CHP2: variants seen among roughly 807,000 people sequenced by gnomAD.
CHP2 encodes the protein calcineurin B homologous protein 2.
A neutral mutation model predicts 24.7 loss-of-function variants in CHP2; 31 were observed. That is an observed-to-expected ratio of 1.26 (90% confidence interval 0.94 to 1.69). The LOEUF is 1.69. CHP2 is among the 40% of genes most tolerant of loss of function. CHP2 has a pLI of 0.00. For synonymous variants in CHP2, 97 were observed against 99.1 expected (o/e 0.98, Z 0.13); for missense variants, 319 against 261.5 (o/e 1.22, Z -1.52).
At position 23,758,102 on chromosome 16, in the gene CHP2, G is replaced by A. The variant is rs1016582570; in HGVS notation, c.*519G>A. On this transcript the variant is annotated 3_prime_UTR_variant, in exon 7 of 7. Coordinates refer to ENST00000300113, the MANE Select transcript of CHP2 (RefSeq NM_022097.4). ...TCTAATGCCACTGCTGATCTGACAG[G>A]AGGCAGAGCTCAGGCGGTAATGCAA... The A allele has an allele frequency of 5.7e-6, 1 of 176,098 alleles. No homozygotes were observed. The highest frequency in any genetic ancestry group is 2.4e-5 in the African/African-American group (1 of 41,900). The allele number at this position is 176,098 out of a possible 1,614,324, so 10.9% of individuals were successfully genotyped here.
At chr16:23,756,522 G>A (rs1961228425) in intron 5 of CHP2, 73 bp downstream of exon 5, 2 of 1,326,022 alleles carry the variant, frequency 1.5e-6, no homozygotes, top group East Asian at 4.7e-5. Flanking sequence ...TGTGAGAGAT[G>A]GGGTGGGATG....
At chr16:23,756,675 T>A (rs1474795775) in intron 5 of CHP2, among the ~76,000 whole-genome samples, 1 of 151,932 alleles carries the variant, frequency 6.6e-6, no homozygotes, top group Non-Finnish European at 1.5e-5. Context: ...CAACTGGGGG[T>A]GATTTTGCTC....
rs367980447 is a variant in CHP2 at position 23,755,750 on chromosome 16, C to T, written c.140+17C>T. 45 of 1,613,844 alleles carry T rather than the reference C, an allele frequency of 2.8e-5. No individual in the cohort carries two copies. The highest frequency in any genetic ancestry group is 3.7e-5 in the Non-Finnish European group (44 of 1,179,820). On this transcript the variant is annotated intron_variant, in intron 2 of 6. Coordinates refer to ENST00000300113, the MANE Select transcript of CHP2 (RefSeq NM_022097.4). ...CTACCTGAGGTGAGGGGGAGCCGGC[C>T]TCATAACTTCTGGCCTCTGTCTCTC...
intron 2 of CHP2, 48 bp downstream of exon 2, chr16:23,755,781 C>T: frequency 6.2e-7 from 1 of 1,613,042 alleles, no homozygotes; most frequent in Admixed American, 1.7e-5. Flanking sequence ...CTCTCTGACT[C>T]CATGTCCCTC....
At chr16:23,756,320 G>T in intron 4 of CHP2, 68 bp from the exon 5 acceptor site, 1 of 1,588,372 alleles carries the variant, frequency 6.3e-7, no homozygotes. Flanking sequence ...GTGGGGGGAA[G>T]GAAGGTGGCT....
rs1961224221 is a variant in CHP2 at position 23,756,275 on chromosome 16, C to T, written c.352+82C>T. The stretch of plus-strand genomic sequence containing the variant: ...GGCTCCAGGGATCTCCCACTCCCTT[C>T]CTGAGGGCATTGACAACCTCCCCCC... On this transcript the variant is annotated intron_variant, in intron 4 of 6. Transcript: ENST00000300113. 2.5e-6 allele frequency: 4 copies of T among 1,590,468 alleles called. No homozygotes were observed. In the South Asian group the frequency reaches 3.3e-5, roughly 13 times the overall value.
Position 23,757,219 on chromosome 16 carries a change from G to A in CHP2, c.433G>A (p.Gly145Arg). 6.2e-7 allele frequency: 1 copy of A among 1,614,056 alleles called. No homozygotes were observed. The highest frequency in any genetic ancestry group is 1.3e-5 in the African/African-American group (1 of 75,004). ...CTCTCAGGTTCTCCGTCTGATGGTT[G>A]GGGTACAGGTGACAGAAGAGCAGCT... is the stretch of plus-strand genomic sequence containing the variant. ...EMLQVLRLMVGVQVTEEQLEN... is the reference protein window; with the variant it reads ...EMLQVLRLMVRVQVTEEQLEN... Residue 145 changes from glycine (G) to arginine (R), a missense_variant, in exon 6 of 7, where the codon GGG becomes AGG. Gly to Arg is a moderately radical substitution (Grantham distance 125, BLOSUM62 -2). Coordinates refer to ENST00000300113, the MANE Select transcript of CHP2 (RefSeq NM_022097.4).
chr16:23,756,672 G>T (rs1368069973), intron 5 of CHP2, among the ~76,000 whole-genome samples: 1 of 152,126 alleles, frequency 6.6e-6, no homozygotes, highest in Non-Finnish European at 1.5e-5. Flanking sequence ...TCTCAACTGG[G>T]GGTGATTTTG....
chr16:23,756,410 G>C lies in CHP2; in HGVS notation c.375G>C (p.Leu125=), dbSNP rs1461461593. ...CAGATGCATTTCAGCTCTATGACCT[G>C]GATCGCGATGGGAAGATCTCCAGGC... ...KLHYAFQLYD[L]DRDGKISRHE... Residue 125 remains leucine, a synonymous_variant, in exon 5 of 7, where the codon CTG becomes CTC. Transcript: ENST00000300113. 1 of 1,613,990 alleles carries C rather than the reference G, an allele frequency of 6.2e-7. No homozygotes were observed. Among genetic ancestry groups the C allele is most frequent in the Admixed American group, 1.7e-5 (1 of 60,000 alleles).
rs1178594375 is a variant in CHP2, at chr16:23,757,326, C to G, written c.537+3C>G. 35 of 1,608,742 alleles carry G rather than the reference C, an allele frequency of 2.2e-5. No individual in the cohort carries two copies. The East Asian group carries it at 7.8e-4, about 36-fold the overall frequency. ...TGTCCTTCGTGGAGTTCACCAAGGT[C>G]AGAGTGCCCTTGGGGATTGGGGAGT... On this transcript the variant is annotated splice_donor_region_variant and intron_variant, in intron 6 of 6. Transcript: ENST00000300113.
At position 23,755,108 on chromosome 16, in the gene CHP2, A is replaced by G; in HGVS notation, c.59A>G (p.Glu20Gly). The change falls in exon 1 of 7, where the codon GAG becomes GGG. Residue 20 changes from glutamate to glycine, a missense_variant. Coordinates refer to ENST00000300113, the MANE Select transcript of CHP2 (RefSeq NM_022097.4). ...VIPDGDSIRR[E>G]TGFSQASLLR... ...CCCGACGGGGACAGTATTCGGCGAG[A>G]GACCGGCTGTGAGTGCGCCCGCGTC... 6.2e-7 allele frequency: 1 copy of G among 1,600,712 alleles called. No homozygotes were observed. Among genetic ancestry groups the G allele is most frequent in the African/African-American group, 1.4e-5 (1 of 73,846 alleles).
Position 23,757,194 on chromosome 16 carries a change from C to T in CHP2, c.415-7C>T. 1 of 1,614,048 alleles carries T rather than the reference C, an allele frequency of 6.2e-7. No homozygotes were observed. The highest frequency in any genetic ancestry group is 8.5e-7 in the Non-Finnish European group (1 of 1,179,998). ...TCCTTATGGCTGCCTCTTCACTCATCTCTCAGGTTCTCCGTCTGATGGTTG... is the reference window on the plus strand; with the variant it reads ...TCCTTATGGCTGCCTCTTCACTCATTTCTCAGGTTCTCCGTCTGATGGTTG... On this transcript the variant is annotated splice_region_variant and splice_polypyrimidine_tract_variant and intron_variant, in intron 5 of 6. Transcript: ENST00000300113.
In CHP2 at chr16:23,755,841, T is replaced by C; in HGVS notation, c.141-6T>C. ...GCCTTACCCTCTTTGAAATTTGGCT[T>C]TGCAGCCGCATGGATCTCCAGCAGA... On this transcript the variant is annotated splice_region_variant and splice_polypyrimidine_tract_variant and intron_variant, in intron 2 of 6. Coordinates refer to ENST00000300113, the MANE Select transcript of CHP2 (RefSeq NM_022097.4). 3.7e-6 allele frequency: 6 copies of C among 1,614,196 alleles called. No individual in the cohort carries two copies. The highest frequency in any genetic ancestry group is 5.1e-6 in the Non-Finnish European group (6 of 1,180,028).
At chr16:23,757,125 T>C (rs777613392) in intron 5 of CHP2, 76 bp from the exon 6 acceptor site, 148 of 1,554,354 alleles carry the variant, frequency 9.5e-5, no homozygotes, top group Non-Finnish European at 1.2e-4. Context: ...TGGGATGAGG[T>C]GGGCAAGGTT....
At chr16:23,755,445 C>T (rs1961207949) in intron 1 of CHP2, 1 of 602,788 alleles carries the variant, frequency 1.7e-6, no homozygotes, top group Non-Finnish European at 2.9e-6. Context: ...CTTTGGTTTT[C>T]GGGAGGTTGC....
rs143402019 is a variant in CHP2 at position 23,755,906 on chromosome 16, T to C, written c.200T>C (p.Ile67Thr). ...LAVNPLGDRI[I>T]ESFFPDGSQR... Reference sequence around the variant, plus strand: ...GTGAACCCCCTGGGAGACCGAATTATAGAAAGCTTCTTCCCCGATGGGTGA... The same window carrying C: ...GTGAACCCCCTGGGAGACCGAATTACAGAAAGCTTCTTCCCCGATGGGTGA... Residue 67 changes from isoleucine (I) to threonine (T), a missense_variant, in exon 3 of 7, where the codon ATA (isoleucine) becomes ACA (threonine). Coordinates refer to ENST00000300113, the MANE Select transcript of CHP2 (RefSeq NM_022097.4). The C allele has an allele frequency of 1.1e-5, 17 of 1,614,070 alleles. No individual in the cohort carries two copies. The highest frequency in any genetic ancestry group is 3.3e-5 in the Admixed American group (2 of 59,998).
intron 1 of CHP2, 102 bp downstream of exon 1, chr16:23,755,218 TGG>T: frequency 1.2e-6 from 1 of 845,194 alleles, no homozygotes; most frequent in Non-Finnish European, 1.8e-6. Flanking sequence ...CTTACAAGTC[TGG>T]GGTCCGGGGC....
rs1961255127 is a variant in CHP2 at position 23,758,305 on chromosome 16, A to G, written c.*722A>G. The stretch of plus-strand genomic sequence containing the variant: ...TGCAAATCACTGAAAACCCAACTCA[A>G]AGTGACTTAAGTCAGAAAGAAATTT... On this transcript the variant is annotated 3_prime_UTR_variant, in exon 7 of 7. Transcript: ENST00000300113. The G allele has an allele frequency of 6.6e-6, 1 of 152,260 alleles. No homozygotes were observed. The highest frequency in any genetic ancestry group is 2.4e-5 in the African/African-American group (1 of 41,450). 9.4% of individuals were successfully genotyped at this position (152,260 alleles called of 1,614,324 possible).
intron 5 of CHP2, among the ~76,000 whole-genome samples, 172 bp from the exon 6 acceptor site, chr16:23,757,029 A>G (rs1334566916): frequency 1.4e-5 from 2 of 146,876 alleles, no homozygotes; most frequent in African/African-American, 2.5e-5. Flanking sequence ...GAGATAGGAG[A>G]TTGGTTGTTG....
Sources: gnomAD v4.1 joint callset for allele counts (sites outside exome capture counted in the v4.1 genomes callset) on GRCh38, gnomAD v4.1.1 for gene constraint, MANE v1.5 for transcripts, NCBI Gene and HGNC (gene_info 2026-07-23, HGNC 2026-07-21) for gene names.